PPARGC1A: variants seen among roughly 807,000 people sequenced by gnomAD.
PPARGC1A encodes peroxisome proliferator-activated receptor gamma coactivator 1-alpha.
In PPARGC1A, 25 loss-of-function variants were observed where a neutral mutation model predicts 88.7. The observed-to-expected ratio is 0.28, with a 90% confidence interval of 0.21 to 0.39. PPARGC1A has a LOEUF of 0.39. Among genes scored for constraint, PPARGC1A ranks in the 10% least tolerant of loss-of-function variants. The probability of loss-of-function intolerance (pLI) is 1.00; values close to 1 mark genes in which losing one functional copy is unlikely to be tolerated. For synonymous variants in PPARGC1A, 363 were observed against 355.6 expected (o/e 1.02, Z -0.24); for missense variants, 880 against 968.7 (o/e 0.91, Z 1.22).
upstream of PPARGC1A, among the ~76,000 whole-genome samples, chr4:23,900,541 A>G (rs1470619147): frequency 6.6e-5 from 10 of 152,222 alleles, no homozygotes; most frequent in Non-Finnish European, 1.5e-4. Context: ...CTACTCCATA[A>G]TGATGCCTGC....
At chr4:23,973,028 T>C in the PPARGC1A span, among the ~76,000 whole-genome samples, 1 of 152,340 alleles carries the variant, frequency 6.6e-6, no homozygotes, top group Non-Finnish European at 1.5e-5. Context: ...TTCTACCAAC[T>C]GACAAATCCC....
upstream of PPARGC1A, among the ~76,000 whole-genome samples, chr4:23,903,055 A>G (rs1489071798): frequency 3.3e-5 from 5 of 152,222 alleles, no homozygotes; most frequent in African/African-American, 4.8e-5. Context: ...AGTACTTTAC[A>G]GAAAACTAAT....
At chr4:24,379,774 T>C in the PPARGC1A span, among the ~76,000 whole-genome samples, 1 of 145,030 alleles carries the variant, frequency 6.9e-6, no homozygotes, top group East Asian at 2.1e-4. Context: ...ACTTTATTAT[T>C]TAAATTCTTT....
the PPARGC1A span, among the ~76,000 whole-genome samples, chr4:24,300,748 T>C: frequency 2.0e-5 from 3 of 152,112 alleles, no homozygotes; most frequent in African/African-American, 7.2e-5. Context: ...CCCTTGCAGC[T>C]AGGTATGCAG....
the PPARGC1A span, among the ~76,000 whole-genome samples, chr4:24,036,105 G>C: frequency 6.6e-6 from 1 of 152,168 alleles, no homozygotes; most frequent in South Asian, 2.1e-4. Flanking sequence ...TTCCTCGTCT[G>C]TGAAATAGGG....
At chr4:23,801,671 G>A (rs1291432356) in intron 12 of PPARGC1A, 59 bp downstream of exon 12, 4 of 1,579,352 alleles carry the variant, frequency 2.5e-6, no homozygotes, top group Non-Finnish European at 2.6e-6. Context: ...GATTATGTTT[G>A]TTCCCATCTT....
the PPARGC1A span, among the ~76,000 whole-genome samples, chr4:24,170,729 T>A: frequency 6.6e-6 from 1 of 152,128 alleles, no homozygotes; most frequent in South Asian, 2.1e-4. Flanking sequence ...CCATCACAGT[T>A]TTGCAAGGGA....
At chr4:23,885,012 G>C (rs1335765159) in intron 1 of PPARGC1A, 81 bp from the exon 2 acceptor site, 1 of 1,247,850 alleles carries the variant, frequency 8.0e-7, no homozygotes, top group Non-Finnish European at 1.1e-6. Context: ...CATGTGATAG[G>C]AATTAAGCCT....
the PPARGC1A span, among the ~76,000 whole-genome samples, chr4:24,065,471 C>A: frequency 2.6e-5 from 4 of 152,148 alleles, no homozygotes; most frequent in African/African-American, 9.7e-5. Flanking sequence ...GTTCTCCGTT[C>A]GGCAATGCCT....
chr4:24,372,268 A>G, the PPARGC1A span, among the ~76,000 whole-genome samples: 1 of 152,196 alleles, frequency 6.6e-6, no homozygotes, highest in Non-Finnish European at 1.5e-5. Context: ...GTTTACCTAA[A>G]TCAGTGGTTC....
the PPARGC1A span, among the ~76,000 whole-genome samples, chr4:24,275,846 T>A: frequency 1.3e-5 from 2 of 152,164 alleles, no homozygotes; most frequent in Admixed American, 6.6e-5. Flanking sequence ...ACAAGTGATA[T>A]GCATATATAT....
At chr4:24,009,334 T>C in the PPARGC1A span, among the ~76,000 whole-genome samples, 2 of 152,138 alleles carry the variant, frequency 1.3e-5, no homozygotes, top group Non-Finnish European at 2.9e-5. Context: ...GATGGCCAAG[T>C]TTCTTCTGCA....
the PPARGC1A span, among the ~76,000 whole-genome samples, chr4:24,096,300 T>C: frequency 6.6e-6 from 1 of 152,332 alleles, no homozygotes; most frequent in Admixed American, 6.5e-5. Flanking sequence ...AAACCTCTTT[T>C]CTTCATAAAT....
chr4:24,406,045 A>T, the PPARGC1A span, among the ~76,000 whole-genome samples: 1 of 152,176 alleles, frequency 6.6e-6, no homozygotes, highest in Admixed American at 6.5e-5. Context: ...ACAAGATGCC[A>T]GGCAAAGAAA....
At chr4:24,317,678 A>G in the PPARGC1A span, among the ~76,000 whole-genome samples, 4 of 142,168 alleles carry the variant, frequency 2.8e-5, no homozygotes, top group Non-Finnish European at 6.1e-5. Flanking sequence ...AATCAGTTGT[A>G]GGGCTGGATT....
chr4:24,304,994 C>T, the PPARGC1A span, among the ~76,000 whole-genome samples: 1 of 152,014 alleles, frequency 6.6e-6, no homozygotes, highest in African/African-American at 2.4e-5. Context: ...ATGGATAAGT[C>T]AGACAAAGTC....
chr4:24,074,362 AT>A, the PPARGC1A span, among the ~76,000 whole-genome samples: 5 of 152,268 alleles, frequency 3.3e-5, no homozygotes, highest in South Asian at 8.3e-4. Flanking sequence ...TGCCATGAGA[AT>A]TAAATGTAAA....
chr4:24,403,998 T>C, the PPARGC1A span, among the ~76,000 whole-genome samples: 1 of 152,102 alleles, frequency 6.6e-6, no homozygotes, highest in East Asian at 1.9e-4. Flanking sequence ...GTGAGGTGGC[T>C]CACGCCTGTA....
At chr4:23,796,588 G>A (rs1412055861) in intron 12 of PPARGC1A, among the ~76,000 whole-genome samples, 1 of 152,116 alleles carries the variant, frequency 6.6e-6, no homozygotes, top group African/African-American at 2.4e-5. Context: ...GTCCAAGTAA[G>A]CTTTTGAGCA....
Sources: gnomAD v4.1 joint callset for allele counts (sites outside exome capture counted in the v4.1 genomes callset) on GRCh38, gnomAD v4.1.1 for gene constraint, MANE v1.5 for transcripts, NCBI Gene and HGNC (gene_info 2026-07-23, HGNC 2026-07-21) for gene names.